The following SASH1 variants were observed in gnomAD, a reference collection of about 807,000 sequenced individuals.
SASH1 encodes the protein SAM and SH3 domain-containing protein 1.
Under a neutral mutation model 125.2 loss-of-function variants are expected in SASH1, and 44 were observed. The observed-to-expected ratio is 0.35, with a 90% confidence interval of 0.28 to 0.45. SASH1 has a LOEUF of 0.45. Ranked by LOEUF, SASH1 falls within the 20% of genes least tolerant of loss-of-function variation. The probability of loss-of-function intolerance (pLI) is 1.00; values close to 1 mark genes in which losing one functional copy is unlikely to be tolerated. For synonymous variants in SASH1, 639 were observed against 649.1 expected, an observed-to-expected ratio of 0.98 and a Z score of 0.24; for missense variants, 1,426 against 1,614.5, an observed-to-expected ratio of 0.88 and a Z score of 2.00.
chr6:148,458,198 A>G (rs189261771), intron 4 of SASH1, among the ~76,000 whole-genome samples: 14 of 152,318 alleles, frequency 9.2e-5, no homozygotes, highest in African/African-American at 3.4e-4. Flanking sequence ...CTTATGATAA[A>G]ATGATGCCTG....
chr6:148,399,214 C>CTTTT (rs371374910), intron 2 of SASH1, among the ~76,000 whole-genome samples: 3 of 106,664 alleles, frequency 2.8e-5, no homozygotes, highest in South Asian at 3.0e-4. Flanking sequence ...ATTTCAGCTT[C>CTTTT]TTTTTTTTTT....
rs930601352 is a variant in SASH1 at position 148,549,757 on chromosome 6, T to C, written c.*1199T>C. On this transcript the variant is annotated 3_prime_UTR_variant, in exon 20 of 20. Transcript: ENST00000367467. ...GGAACCAGACAAATCTCATTAGCCA[T>C]GTGTTAAGTATTTGCTACTTTAAAT... is the stretch of plus-strand genomic sequence containing the variant. 2.3e-5 allele frequency: 9 copies of C among 393,788 alleles called. No individual in the cohort carries two copies. The highest frequency in any genetic ancestry group is 1.2e-4 in the African/African-American group (6 of 48,544). The allele number at this position is 393,788 out of a possible 1,614,324, so 24.4% of individuals were successfully genotyped here. A position where few individuals can be genotyped will look rare whatever the true frequency, so the allele number is the denominator to read the frequency against.
At chr6:148,442,190 C>A (rs1365012521) in intron 4 of SASH1, among the ~76,000 whole-genome samples, 1 of 151,986 alleles carries the variant, frequency 6.6e-6, no homozygotes, top group South Asian at 2.1e-4. Context: ...AGTTTGAGAT[C>A]AGCCTGGGCA....
chr6:148,248,276 A>C, the SASH1 span, among the ~76,000 whole-genome samples: 1 of 152,166 alleles, frequency 6.6e-6, no homozygotes, highest in African/African-American at 2.4e-5. Flanking sequence ...TAGGGTCCTG[A>C]AGGACTAGGA....
the SASH1 span, among the ~76,000 whole-genome samples, chr6:148,223,535 TTAAAC>T: frequency 1.3e-5 from 2 of 152,196 alleles, no homozygotes; most frequent in Non-Finnish European, 2.9e-5. Context: ...CTGTTTGTCT[TTAAAC>T]TATGTTGCTT....
intron 1 of SASH1, among the ~76,000 whole-genome samples, chr6:148,374,707 G>A (rs375994665): frequency 2.8e-4 from 42 of 150,974 alleles, no homozygotes; most frequent in African/African-American, 9.5e-4. Context: ...TTTTTTTTGG[G>A]GGGGGGGGAG....
At chr6:148,402,600 C>T (rs1444456112) in intron 2 of SASH1, among the ~76,000 whole-genome samples, 4 of 148,390 alleles carry the variant, frequency 2.7e-5, no homozygotes, top group Non-Finnish European at 4.4e-5. Flanking sequence ...TGAGCCACTG[C>T]GACCGGCCAA....
intron 1 of SASH1, among the ~76,000 whole-genome samples, chr6:148,272,821 A>G (rs75964424): frequency 0.037 from 5,591 of 152,258 alleles, 225 homozygotes; most frequent in Admixed American, 0.096. Context: ...GATCGGGACC[A>G]TCCGATTAAC....
At chr6:148,393,891 T>A (rs974843980) in intron 2 of SASH1, 2 of 143,500 alleles carry the variant, frequency 1.4e-5, no homozygotes, top group African/African-American at 2.9e-5. Context: ...TCTCTCTCTT[T>A]TTTTTTTTTT....
chr6:148,352,596 TATAAATAAATAAATAA>T lies in SASH1; in HGVS notation c.156+9405_156+9420del, dbSNP rs144016974. Among the ~76,000 whole-genome samples the T allele has an allele frequency of 5.2e-3, 732 of 141,352 alleles. 26 individuals carry two copies. Among genetic ancestry groups the T allele is most frequent in the Admixed American group, 0.046 (633 of 13,884 alleles). 92.7% of individuals were successfully genotyped at this position (141,352 alleles called of 152,430 possible). A position where few individuals can be genotyped will look rare whatever the true frequency, so the allele number is the denominator to read the frequency against. ...TGGGAGACAGAGTGAGACTCCTTCT[TATAAATAAATAAATAA>T]ATAAATAAATAAATAAATAAATAAA... On this transcript the variant is annotated intron_variant, in intron 1 of 19. Coordinates refer to ENST00000367467, the MANE Select transcript of SASH1 (RefSeq NM_015278.5).
intron 8 of SASH1, among the ~76,000 whole-genome samples, chr6:148,505,611 G>T (rs1378977864): frequency 2.0e-5 from 3 of 150,358 alleles, no homozygotes; most frequent in Non-Finnish European, 4.4e-5. Flanking sequence ...GTGCCTGGCT[G>T]GTTGTTGGGT....
intron 8 of SASH1, among the ~76,000 whole-genome samples, chr6:148,505,374 C>A (rs1779739302): frequency 6.6e-6 from 1 of 152,240 alleles, no homozygotes; most frequent in Non-Finnish European, 1.5e-5. Context: ...AGTGCAGTGG[C>A]ACGATTTCGG....
chr6:148,444,916 G>T (rs1461785185), intron 4 of SASH1, among the ~76,000 whole-genome samples: 1 of 152,192 alleles, frequency 6.6e-6, no homozygotes, highest in Non-Finnish European at 1.5e-5. Context: ...TAAACAAGGG[G>T]TGAATTATTT....
chr6:148,358,270 G>A (rs527336271), intron 1 of SASH1, among the ~76,000 whole-genome samples: 52 of 152,172 alleles, frequency 3.4e-4, no homozygotes, highest in African/African-American at 1.2e-3. Flanking sequence ...CTCAAGGACT[G>A]TAGGTCACCG....
chr6:148,524,112 TATATATA>T (rs1380448445), intron 10 of SASH1, among the ~76,000 whole-genome samples: 3 of 116,098 alleles, frequency 2.6e-5, no homozygotes, highest in Non-Finnish European at 5.1e-5. Flanking sequence ...TATATATATA[TATATATA>T]TATTTTTTTT....
chr6:148,304,086 C>T (rs1780051858), intron 1 of SASH1, among the ~76,000 whole-genome samples: 2 of 151,784 alleles, frequency 1.3e-5, no homozygotes, highest in South Asian at 4.2e-4. Flanking sequence ...GGGTGGATCA[C>T]GAGGTCAGGA....
At chr6:148,525,412 G>A (rs964348383) in intron 11 of SASH1, 47 bp downstream of exon 11, 1 of 1,394,820 alleles carries the variant, frequency 7.2e-7, no homozygotes, top group East Asian at 2.3e-5. Flanking sequence ...CAGGCGATGA[G>A]GTTGACAATA....
chr6:148,234,893 G>T, the SASH1 span, among the ~76,000 whole-genome samples: 2 of 151,998 alleles, frequency 1.3e-5, no homozygotes, highest in Admixed American at 6.6e-5. Context: ...GGAGAACCTG[G>T]TGGGGTCTGA....
chr6:148,194,162 C>T, the SASH1 span, among the ~76,000 whole-genome samples: 1 of 152,144 alleles, frequency 6.6e-6, no homozygotes, highest in Admixed American at 6.5e-5. Context: ...GCTGAGTTTA[C>T]TTTAGATGAC....
Sources: gnomAD v4.1 joint callset for allele counts (sites outside exome capture counted in the v4.1 genomes callset) on GRCh38, gnomAD v4.1.1 for gene constraint, MANE v1.5 for transcripts, NCBI Gene and HGNC (gene_info 2026-07-23, HGNC 2026-07-21) for gene names.